Variants in SYPL1 observed in about 807,000 individuals in gnomAD.
The protein encoded by SYPL1 is synaptophysin like 1.
In SYPL1, 6 loss-of-function variants were observed where a neutral mutation model predicts 23.7. That is an observed-to-expected ratio of 0.25 (90% CI 0.14 to 0.50). SYPL1 has a LOEUF of 0.50. Among genes scored for constraint, SYPL1 ranks in the 20% least tolerant of loss-of-function variants. The pLI, the probability that SYPL1 is intolerant of heterozygous loss-of-function variation, is 0.98. For synonymous variants in SYPL1, 102 were observed against 104.5 expected (o/e 0.98, Z 0.15); for missense variants, 253 against 288.9 (o/e 0.88, Z 0.90).
intron 1 of SYPL1, among the ~76,000 whole-genome samples, chr7:106,110,574 C>T (rs1790093397): frequency 6.6e-6 from 1 of 152,214 alleles, no homozygotes; most frequent in Non-Finnish European, 1.5e-5. Context: ...CAAATATTTA[C>T]CACACCATTA....
At position 106,091,857 on chromosome 7, in the gene SYPL1, T is replaced by C; in HGVS notation, c.674A>G (p.Asn225Ser). 6.2e-7 allele frequency: 1 copy of C among 1,613,796 alleles called. No homozygotes were observed. Among genetic ancestry groups the C allele is most frequent in the Non-Finnish European group, 8.5e-7 (1 of 1,179,840 alleles). Residue 225 changes from asparagine to serine, a missense_variant, in exon 5 of 5, where the codon AAT (asparagine) becomes AGT (serine). Asn to Ser is a conservative substitution (Grantham distance 46, BLOSUM62 1). Transcript: ENST00000455385. The surrounding 1 kb of genome is among the most constrained non-coding windows in gnomAD (Gnocchi z 5.0). ...TCCTTGGCTATGAGGGGCAGATGTA[T>C]TTGATGGACTGTGTAGGCTGGTCTC... ...YKETSLHSPS[N>S]TSAPHSQGGI...
intron 1 of SYPL1, among the ~76,000 whole-genome samples, chr7:106,107,450 T>C (rs965138375): frequency 6.6e-6 from 1 of 152,184 alleles, no homozygotes; most frequent in African/African-American, 2.4e-5. Flanking sequence ...CCTTAAAAAT[T>C]TGGATTATGG....
At chr7:106,110,441 A>G (rs949386476) in intron 1 of SYPL1, among the ~76,000 whole-genome samples, 1 of 152,126 alleles carries the variant, frequency 6.6e-6, no homozygotes, top group Non-Finnish European at 1.5e-5. Flanking sequence ...CACCTTTATC[A>G]CAGTTTATTA....
At chr7:106,110,927 C>T (rs1179145086) in intron 1 of SYPL1, among the ~76,000 whole-genome samples, 1 of 152,216 alleles carries the variant, frequency 6.6e-6, no homozygotes, top group Non-Finnish European at 1.5e-5. Flanking sequence ...AGATTTTCCT[C>T]TTGCAATTTT....
At chr7:106,108,152 C>G (rs899326444) in intron 1 of SYPL1, among the ~76,000 whole-genome samples, 1 of 152,170 alleles carries the variant, frequency 6.6e-6, no homozygotes, top group South Asian at 2.1e-4. Context: ...CGAGACCACA[C>G]TACTGCACTC....
rs1790210887 is a variant in SYPL1, at chr7:106,112,298, A to AGGCGGGGCT, written c.-99_-91dup. On this transcript the variant is annotated 5_prime_UTR_variant, in exon 1 of 5. Coordinates refer to ENST00000455385, the MANE Select transcript of SYPL1 (RefSeq NM_182715.4). ...GAGCAGCCCGGTGGCGAGGAAGGGC[A>AGGCGGGGCT]GGCGGGGCTGGCGCGCTGGCCGGGC... The AGGCGGGGCT allele has an allele frequency of 7.4e-7, 1 of 1,342,330 alleles. No homozygotes were observed. The highest frequency in any genetic ancestry group is 9.7e-7 in the Non-Finnish European group (1 of 1,030,864). 83.2% of individuals were successfully genotyped at this position (1,342,330 alleles called of 1,614,324 possible). A position where few individuals can be genotyped will look rare whatever the true frequency, so the allele number is the denominator to read the frequency against.
Position 106,097,793 on chromosome 7 carries a change from T to A in SYPL1, c.299A>T (p.Tyr100Phe). The A allele has an allele frequency of 3.7e-6, 6 of 1,614,008 alleles. No homozygotes were observed. The highest frequency in any genetic ancestry group is 5.1e-6 in the Non-Finnish European group (6 of 1,179,946). The change falls in exon 3 of 5, where the codon TAT (tyrosine) becomes TTT (phenylalanine). Residue 100 changes from tyrosine to phenylalanine, a missense_variant. Tyr to Phe is a conservative substitution (Grantham distance 22, BLOSUM62 3). Transcript: ENST00000455385. This position sits in a 1 kb window ranked among gnomAD's most constrained non-coding sequence, Gnocchi z 4.6. The stretch of plus-strand genomic sequence containing the variant: ...GAACACAAAGACTGCAAAGGTAACA[T>A]AGAATTGTGCAGAAGAAGAGTAATC... ...IGDYSSSAQF[Y>F]VTFAVFVFLY...
In SYPL1 at chr7:106,097,159, T is replaced by C. The variant is rs888487351; in HGVS notation, c.402+531A>G. On this transcript the variant is annotated intron_variant, in intron 3 of 4. Coordinates refer to ENST00000455385, the MANE Select transcript of SYPL1 (RefSeq NM_182715.4). The surrounding 1 kb of genome is among the most constrained non-coding windows in gnomAD (Gnocchi z 4.6). ...TTGAGGCTGCAGCAAGCCAAGATGG[T>C]GCTACTGCCCTCCTGCCTGGGCGAC... is the stretch of plus-strand genomic sequence containing the variant. Among the ~76,000 whole-genome samples, 22 of 152,340 alleles carry C rather than the reference T, an allele frequency of 1.4e-4. No individual in the cohort carries two copies. The highest frequency in any genetic ancestry group is 4.1e-4 in the African/African-American group (17 of 41,572).
At chr7:106,112,105 G>A (rs1158362265) in intron 1 of SYPL1, 35 bp downstream of exon 1, 12 of 1,404,320 alleles carry the variant, frequency 8.5e-6, no homozygotes, top group Middle Eastern at 2.6e-4. Flanking sequence ...CGCGCCGAGC[G>A]GCAGGCGGGC....
intron 1 of SYPL1, among the ~76,000 whole-genome samples, chr7:106,101,788 A>G (rs547132015): frequency 2.0e-5 from 3 of 151,744 alleles, no homozygotes; most frequent in South Asian, 4.2e-4. Context: ...AAAAAAAAAA[A>G]AAAAGAAAAG....
At chr7:106,107,137 T>C (rs1271730437) in intron 1 of SYPL1, among the ~76,000 whole-genome samples, 4 of 152,208 alleles carry the variant, frequency 2.6e-5, no homozygotes, top group Non-Finnish European at 5.9e-5. Flanking sequence ...GCAAAAGAAA[T>C]GTATGCTGGT....
In SYPL1 at chr7:106,100,018, T is replaced by C. The variant is rs1052911005; in HGVS notation, c.70-736A>G. On this transcript the variant is annotated intron_variant, in intron 1 of 4. Transcript: ENST00000455385. The surrounding 1 kb of genome is among the most constrained non-coding windows in gnomAD (Gnocchi z 5.1). ...GTATCCACTAAGTATTAGTATGAAA[T>C]ATAGAGGGAGACTCATTTATTAGTA... 2.0e-5 allele frequency among the ~76,000 whole-genome samples: 3 copies of C among 152,180 alleles called. No individual in the cohort carries two copies.
At chr7:106,107,206 C>T (rs1275870320) in intron 1 of SYPL1, among the ~76,000 whole-genome samples, 1 of 152,186 alleles carries the variant, frequency 6.6e-6, no homozygotes, top group Non-Finnish European at 1.5e-5. Context: ...TTTGCCTTTA[C>T]AATCAAAAGA....
intron 1 of SYPL1, among the ~76,000 whole-genome samples, chr7:106,108,146 A>T (rs1840709542): frequency 6.6e-6 from 1 of 152,018 alleles, no homozygotes; most frequent in South Asian, 2.1e-4. Flanking sequence ...TTGAGCCGAG[A>T]CCACACTACT....
chr7:106,093,135 G>A lies in SYPL1; in HGVS notation c.405C>T (p.Asp135=). Residue 135 remains aspartate (D), a splice_region_variant and synonymous_variant, in exon 4 of 5, where the codon GAC becomes GAT. Coordinates refer to ENST00000455385, the MANE Select transcript of SYPL1 (RefSeq NM_182715.4). ...YLDSRKLPMI[D]FVVTLVATFL... is the part of the protein sequence containing the mutation. ...AAGTGGCAACAAGTGTAACAACAAAGTCCTAAAGCAAAAATCAGTAAGAGT... is the reference window on the plus strand; with the variant it reads ...AAGTGGCAACAAGTGTAACAACAAAATCCTAAAGCAAAAATCAGTAAGAGT... 6.3e-7 allele frequency: 1 copy of A among 1,591,016 alleles called. No individual in the cohort carries two copies. Among genetic ancestry groups the A allele is most frequent in the Non-Finnish European group, 8.5e-7 (1 of 1,171,212 alleles).
chr7:106,092,965 G>A lies in SYPL1; in HGVS notation c.575C>T (p.Ser192Phe). The change falls in exon 4 of 5, where the codon TCC becomes TTC. Residue 192 changes from serine to phenylalanine, a missense_variant. Ser to Phe is a radical substitution (Grantham distance 155). Coordinates refer to ENST00000455385, the MANE Select transcript of SYPL1 (RefSeq NM_182715.4). ...CATACATACCACAGATACATTTAGG[G>A]ATCCCATACTGGTCACAGAGCCAAA... ...CYFGSVTSMG[S>F]LNVSVIFGFL... 6.3e-7 allele frequency: 1 copy of A among 1,594,514 alleles called. No homozygotes were observed. The highest frequency in any genetic ancestry group is 8.5e-7 in the Non-Finnish European group (1 of 1,172,566).
At position 106,095,849 on chromosome 7, in the gene SYPL1, A is replaced by G. The variant is rs960130818; in HGVS notation, c.402+1841T>C. ...GGAAAATTACTTTTTACGTTTCTGA[A>G]TGATGCAACTAGGTCAGTTTTATAG... On this transcript the variant is annotated intron_variant, in intron 3 of 4. Coordinates refer to ENST00000455385, the MANE Select transcript of SYPL1 (RefSeq NM_182715.4). This position sits in a 1 kb window ranked among gnomAD's most constrained non-coding sequence, Gnocchi z 4.3. Among the ~76,000 whole-genome samples, 1 of 152,184 alleles carries G rather than the reference A, an allele frequency of 6.6e-6. No individual in the cohort carries two copies. Among genetic ancestry groups the G allele is most frequent in the African/African-American group, 2.4e-5 (1 of 41,434 alleles).
In SYPL1 at chr7:106,112,209, C is replaced by T. The variant is rs748668915; in HGVS notation, c.-1G>A. 7 of 1,542,410 alleles carry T rather than the reference C, an allele frequency of 4.5e-6. No individual in the cohort carries two copies. The Admixed American group carries it at 5.4e-5, about 12-fold the overall frequency. On this transcript the variant is annotated 5_prime_UTR_variant, in exon 1 of 5. Transcript: ENST00000455385. ...TGAGGTTGATCTGGAAGCCGGACAT[C>T]CTCTGAGGAAAGGAGGGAGAGAGAG...
Position 106,099,253 on chromosome 7 carries a change from A to G in SYPL1, c.99T>C (p.Cys33=), listed in dbSNP as rs1563340145. Residue 33 remains cysteine, a synonymous_variant, in exon 2 of 5, where the codon TGT becomes TGC. Coordinates refer to ENST00000455385, the MANE Select transcript of SYPL1 (RefSeq NM_182715.4). ...WIASIFAFAT[C]GGFKGQTEIQ... ...TTTCTGTTTGGCCCTTAAAACCTCC[A>G]CAGGTGGCAAAAGCAAAGATAGAAG... The G allele has an allele frequency of 6.2e-7, 1 of 1,613,686 alleles. No individual in the cohort carries two copies. Among genetic ancestry groups the G allele is most frequent in the East Asian group, 2.2e-5 (1 of 44,868 alleles).
Sources: gnomAD v4.1 joint callset for allele counts (sites outside exome capture counted in the v4.1 genomes callset) on GRCh38, gnomAD v4.1.1 for gene constraint, Gnocchi (gnomAD v3.1) non-coding constraint, MANE v1.5 for transcripts, NCBI Gene and HGNC (gene_info 2026-07-23, HGNC 2026-07-21) for gene names.